Variants in RYR2 observed in about 807,000 individuals in gnomAD.
RYR2 encodes the protein cardiac muscle ryanodine receptor-calcium release channel.
A neutral mutation model predicts 601.1 loss-of-function variants in RYR2; 227 were observed. The ratio of observed to expected loss-of-function variants is 0.38; its 90% CI spans 0.34 to 0.42. The LOEUF (loss-of-function observed/expected upper bound fraction) is 0.42. Ranked by LOEUF, RYR2 falls within the 10% of genes least tolerant of loss-of-function variation. The pLI is 1.00. For missense variants in RYR2, 4,646 were observed against 6,156.5 expected (o/e 0.75, Z 8.21); for synonymous variants, 2,223 against 2,175.1 (o/e 1.02, Z -0.61).
intron 24 of RYR2, among the ~76,000 whole-genome samples, chr1:237,523,748 A>AAACC (rs780501256): frequency 1.4e-5 from 2 of 147,496 alleles, no homozygotes; most frequent in Non-Finnish European, 3.0e-5. Flanking sequence ...AAAAAAAAAA[A>AAACC]GGCAAAAATT....
intron 1 of RYR2, among the ~76,000 whole-genome samples, chr1:237,262,245 G>GTTTTTTTTTTTTTTTTTTTT (rs386370106): frequency 1.3e-4 from 8 of 61,102 alleles, no homozygotes; most frequent in East Asian, 1.0e-3. Context: ...GTTCTAAAGA[G>GTTTTTTTTTTTTTTTTTTTT]TTTTTTTTTT....
intron 92 of RYR2, among the ~76,000 whole-genome samples, chr1:237,789,586 T>C (rs1427477727): frequency 6.9e-6 from 1 of 145,350 alleles, no homozygotes; most frequent in Non-Finnish European, 1.5e-5. Flanking sequence ...GGTATAGTTC[T>C]ATTATAGGTG....
At chr1:237,584,930 A>C (rs1674360824) in intron 29 of RYR2, among the ~76,000 whole-genome samples, 2 of 151,632 alleles carry the variant, frequency 1.3e-5, no homozygotes, top group African/African-American at 4.9e-5. Context: ...TTGTAGAATC[A>C]GGGTCTCGCC....
chr1:237,466,702 C>T (rs1477016562), intron 16 of RYR2, among the ~76,000 whole-genome samples: 1 of 151,800 alleles, frequency 6.6e-6, no homozygotes, highest in African/African-American at 2.4e-5. Context: ...GACGTATTTA[C>T]CATTTTTCAC....
intron 20 of RYR2, among the ~76,000 whole-genome samples, 197 bp downstream of exon 20, chr1:237,496,949 A>T (rs1664137200): frequency 6.6e-6 from 1 of 152,238 alleles, no homozygotes; most frequent in African/African-American, 2.4e-5. Flanking sequence ...TTAAAATTAT[A>T]GTACATTTCC....
At chr1:237,263,368 G>A (rs981200963) in intron 1 of RYR2, among the ~76,000 whole-genome samples, 2 of 152,198 alleles carry the variant, frequency 1.3e-5, no homozygotes, top group African/African-American at 4.8e-5. Flanking sequence ...TTAGACAATA[G>A]AGATGTACTG....
intron 1 of RYR2, among the ~76,000 whole-genome samples, chr1:237,148,922 G>C (rs561122727): frequency 6.6e-6 from 1 of 152,046 alleles, no homozygotes; most frequent in African/African-American, 2.4e-5. Context: ...TCAGATTTTG[G>C]GAAATCCAGC....
At chr1:237,678,196 A>G (rs753690068) in intron 61 of RYR2, 84 bp downstream of exon 61, 12 of 737,820 alleles carry the variant, frequency 1.6e-5, no homozygotes, top group Middle Eastern at 3.5e-4. Context: ...TTTTCAGAAC[A>G]TACTTGTCTA....
rs1559084237 is a variant in RYR2 at position 237,594,910 on chromosome 1, T to TTTTTTTTTTTTTTTTTTTTTTTTTG, written c.4437-567_4437-566insTTTGTTTTTTTTTTTTTTTTTTTTT. 1.7e-5 allele frequency among the ~76,000 whole-genome samples: 2 copies of TTTTTTTTTTTTTTTTTTTTTTTTTG among 114,440 alleles called. 1 individual carries two copies. Among genetic ancestry groups the TTTTTTTTTTTTTTTTTTTTTTTTTG allele is most frequent in the East Asian group, 5.3e-4 (2 of 3,784 alleles). The allele number at this position is 114,440 out of a possible 152,430, so 75.1% of individuals were successfully genotyped here. A position where few individuals can be genotyped will look rare whatever the true frequency, so the allele number is the denominator to read the frequency against. On this transcript the variant is annotated intron_variant, in intron 33 of 104. Coordinates refer to ENST00000366574, the MANE Select transcript of RYR2 (RefSeq NM_001035.3). ...GGTTTTTTTTTTTTTTTTTTTTTTT[T>TTTTTTTTTTTTTTTTTTTTTTTTTG]TTTTTTTTTTTTTTTTTTTTTGCAT...
intron 2 of RYR2, among the ~76,000 whole-genome samples, chr1:237,330,349 G>T (rs1696584227): frequency 6.6e-6 from 1 of 152,180 alleles, no homozygotes; most frequent in South Asian, 2.1e-4. Flanking sequence ...AGCTGTTATT[G>T]TTGCTCAATA....
At chr1:237,101,408 T>C (rs934811351) in intron 1 of RYR2, among the ~76,000 whole-genome samples, 18 of 150,670 alleles carry the variant, frequency 1.2e-4, no homozygotes, top group African/African-American at 3.9e-4. Context: ...CTTAGCGCAG[T>C]GGTAGATTTT....
chr1:237,802,935 C>A (rs1165396303), intron 98 of RYR2, among the ~76,000 whole-genome samples: 1 of 152,178 alleles, frequency 6.6e-6, no homozygotes, highest in African/African-American at 2.4e-5. Flanking sequence ...AGACAGCGTT[C>A]TGCTATTTTA....
chr1:237,810,947 A>C (rs1661189872), intron 100 of RYR2, among the ~76,000 whole-genome samples: 1 of 152,124 alleles, frequency 6.6e-6, no homozygotes, highest in African/African-American at 2.4e-5. Flanking sequence ...ATTTTTCTGG[A>C]GGGATTTATT....
At chr1:237,490,131 G>A (rs1322037617) in intron 17 of RYR2, among the ~76,000 whole-genome samples, 1 of 152,086 alleles carries the variant, frequency 6.6e-6, no homozygotes, top group Non-Finnish European at 1.5e-5. Context: ...CTAAACAAGG[G>A]GTACTCATGG....
chr1:237,420,167 G>A (rs1705408910), intron 11 of RYR2, among the ~76,000 whole-genome samples: 1 of 152,132 alleles, frequency 6.6e-6, no homozygotes, highest in South Asian at 2.1e-4. Flanking sequence ...TGGTTTTAAT[G>A]TAGGGAGTTA....
At chr1:237,369,668 G>C (rs1347433877) in intron 6 of RYR2, 60 bp downstream of exon 6, 1 of 1,329,494 alleles carries the variant, frequency 7.5e-7, no homozygotes, top group East Asian at 2.5e-5. Flanking sequence ...GGGGTACATG[G>C]TCTGCAAATG....
chr1:237,618,548 G>A (rs778774801), intron 38 of RYR2, among the ~76,000 whole-genome samples: 2 of 152,142 alleles, frequency 1.3e-5, no homozygotes, highest in Non-Finnish European at 2.9e-5. Context: ...AGCTAAAGAA[G>A]ACGACAACCA....
chr1:237,504,797 G>T (rs945792642), intron 22 of RYR2, among the ~76,000 whole-genome samples: 5 of 152,098 alleles, frequency 3.3e-5, no homozygotes, highest in Non-Finnish European at 7.3e-5. Context: ...ACTAGGTACC[G>T]GTTTCCTGGA....
rs148501730 is a variant in RYR2 at position 237,092,572 on chromosome 1, C to T, written c.48+50003C>T. On this transcript the variant is annotated intron_variant, in intron 1 of 104. Coordinates refer to ENST00000366574, the MANE Select transcript of RYR2 (RefSeq NM_001035.3). The stretch of plus-strand genomic sequence containing the variant: ...AGAGTCTCACTGTCTCTCTGTTGCC[C>T]AGGCTGGAGTGCCGTGGTGTGATTT... 1.6e-4 allele frequency among the ~76,000 whole-genome samples: 24 copies of T among 149,688 alleles called. No individual in the cohort carries two copies. The East Asian group carries it at 4.7e-3, about 29-fold the overall frequency.
Sources: gnomAD v4.1 joint callset for allele counts (sites outside exome capture counted in the v4.1 genomes callset) on GRCh38, gnomAD v4.1.1 for gene constraint, MANE v1.5 for transcripts, NCBI Gene and HGNC (gene_info 2026-07-23, HGNC 2026-07-21) for gene names.